Variants in CARHSP1 observed in about 807,000 individuals in gnomAD.
The protein encoded by CARHSP1 is calcium regulated heat stable protein 1.
Under a neutral mutation model 12.5 loss-of-function variants are expected in CARHSP1, and 14 were observed. The ratio of observed to expected loss-of-function variants is 1.12; its 90% CI spans 0.74 to 1.75. The LOEUF is 1.75. CARHSP1 is among the 40% of genes most tolerant of loss of function. The pLI, the probability that CARHSP1 is intolerant of heterozygous loss-of-function variation, is 0.00. For missense variants in CARHSP1, 343 were observed against 201.6 expected (o/e 1.70, Z -4.25); for synonymous variants, 161 against 82.0 (o/e 1.96, Z -5.20).
chr16:8,859,620 T>C (rs991558635), intron 1 of CARHSP1, among the ~76,000 whole-genome samples: 2 of 152,114 alleles, frequency 1.3e-5, no homozygotes, highest in Non-Finnish European at 2.9e-5. Context: ...GCACAAGGCA[T>C]GGATCCCGGC....
At chr16:8,861,765 A>G (rs2061362777) in intron 1 of CARHSP1, 1 of 1,280,868 alleles carries the variant, frequency 7.8e-7, no homozygotes, top group African/African-American at 1.5e-5. Flanking sequence ...CCTGGGGGCC[A>G]GGGCCCCCGC....
At chr16:8,861,849 G>T (rs2061365063) in intron 1 of CARHSP1, 1 of 1,191,078 alleles carries the variant, frequency 8.4e-7, no homozygotes, top group South Asian at 1.5e-5. Context: ...GCTGGCCCTG[G>T]GAGGGGAGGG....
At chr16:8,863,553 C>T (rs954766335) in intron 1 of CARHSP1, among the ~76,000 whole-genome samples, 2 of 152,298 alleles carry the variant, frequency 1.3e-5, no homozygotes, top group African/African-American at 4.8e-5. Flanking sequence ...AACTGAGGCA[C>T]GGAGCAGACG....
chr16:8,855,451 C>T (rs2061068910), intron 3 of CARHSP1, 125 bp from the exon 4 acceptor site: 4 of 808,338 alleles, frequency 4.9e-6, no homozygotes, highest in Admixed American at 3.8e-5. Flanking sequence ...CCACCGGGAA[C>T]CTCTTTCCAA....
In CARHSP1 at chr16:8,854,825, A is replaced by C. The variant is rs1027312231; in HGVS notation, c.*339T>G. 4 of 189,344 alleles carry C rather than the reference A, an allele frequency of 2.1e-5. No homozygotes were observed. Among genetic ancestry groups the C allele is most frequent in the African/African-American group, 9.3e-5 (4 of 42,990 alleles). 11.7% of individuals were successfully genotyped at this position (189,344 alleles called of 1,614,324 possible). On this transcript the variant is annotated 3_prime_UTR_variant, in exon 4 of 4. Transcript: ENST00000311052. The stretch of plus-strand genomic sequence containing the variant: ...AAGAGGGATTCTGTGGGTTGAGCCC[A>C]TGTGTCTGAGCAGCTGGAGAAATAC...
chr16:8,863,557 G>A (rs1228179584), intron 1 of CARHSP1, among the ~76,000 whole-genome samples: 2 of 152,224 alleles, frequency 1.3e-5, no homozygotes, highest in Non-Finnish European at 2.9e-5. Context: ...GAGGCACGGA[G>A]CAGACGTGAC....
rs1483616726 is a variant in CARHSP1, at chr16:8,855,290, C to A, written c.318G>T (p.Glu106Asp). Residue 106 changes from glutamate to aspartate, a missense_variant, in exon 4 of 4, where the codon GAG (glutamate) becomes GAT (aspartate). By Grantham distance (45) the Glu-to-Asp change is conservative. Transcript: ENST00000311052. Reference sequence around the variant, plus strand: ...GGATGGAGCACATTTTATAGGTGACCTCGTCGCCTTCCACTGGGACATACT... The same window carrying A: ...GGATGGAGCACATTTTATAGGTGACATCGTCGCCTTCCACTGGGACATACT... ...EGEYVPVEGD[E>D]VTYKMCSIPP... 9 of 1,609,896 alleles carry A rather than the reference C, an allele frequency of 5.6e-6. No homozygotes were observed. The highest frequency in any genetic ancestry group is 7.6e-6 in the Non-Finnish European group (9 of 1,177,528).
intron 1 of CARHSP1, chr16:8,867,975 G>T (rs1196183947): frequency 6.6e-6 from 1 of 152,314 alleles, no homozygotes; most frequent in Non-Finnish European, 1.5e-5. Context: ...GGCAGCAAAT[G>T]ACAGGGGCAA....
intron 1 of CARHSP1, among the ~76,000 whole-genome samples, chr16:8,859,590 C>T (rs1335682374): frequency 1.3e-5 from 2 of 151,996 alleles, no homozygotes; most frequent in East Asian, 1.9e-4. Flanking sequence ...AGGATGGCAT[C>T]GGTCCCCTCT....
chr16:8,866,883 G>GC lies in CARHSP1; in HGVS notation c.-8+2082dup, dbSNP rs536349523. ...AGCCCGGCGCCTACGTCTGCCCAGA[G>GC]CCCCCTCCCAGGCCCCGCCAAGCTG... On this transcript the variant is annotated intron_variant, in intron 1 of 3. Coordinates refer to ENST00000311052, the MANE Select transcript of CARHSP1 (RefSeq NM_014316.4). 1.3e-3 allele frequency among the ~76,000 whole-genome samples: 194 copies of GC among 152,246 alleles called. 4 individuals carry two copies. Among genetic ancestry groups the GC allele is most frequent in the Admixed American group, 0.012 (180 of 15,302 alleles).
At chr16:8,861,980 CAT>C (rs2061368737) in intron 1 of CARHSP1, among the ~76,000 whole-genome samples, 1 of 110,060 alleles carries the variant, frequency 9.1e-6, no homozygotes, top group African/African-American at 3.0e-5. Context: ...TGGAGTCAAG[CAT>C]AGCTGACTTT....
In CARHSP1 at chr16:8,860,369, G is replaced by A. The variant is rs886460789; in HGVS notation, c.-7-1034C>T. On this transcript the variant is annotated intron_variant, in intron 1 of 3. Coordinates refer to ENST00000311052, the MANE Select transcript of CARHSP1 (RefSeq NM_014316.4). ...GTATGTACCGGTAAATCCAGCTGGA[G>A]GGCGGGAATTCCCTAGCTGCTGCTG... 11 of 985,498 alleles carry A rather than the reference G, an allele frequency of 1.1e-5. No individual in the cohort carries two copies. In the Admixed American group the frequency reaches 3.1e-4, roughly 28 times the overall value. 61.0% of individuals were successfully genotyped at this position (985,498 alleles called of 1,614,324 possible).
At chr16:8,858,125 C>G (rs886521227) in intron 3 of CARHSP1, 22 of 575,906 alleles carry the variant, frequency 3.8e-5, no homozygotes, top group African/African-American at 3.2e-4. Flanking sequence ...AGTACCGTGT[C>G]GCCCCCAGCC....
rs1596515115 is a variant in CARHSP1, at chr16:8,853,192, C to T, written c.*1972G>A. On this transcript the variant is annotated 3_prime_UTR_variant, in exon 4 of 4. Transcript: ENST00000311052. ...GGAAGGACAGAGTAAGAGCCGCTGA[C>T]AAAGGATTCTGCCAAGACAGAATCC... 1 of 152,190 alleles carries T rather than the reference C, an allele frequency of 6.6e-6. No homozygotes were observed. The allele number at this position is 152,190 out of a possible 1,614,324, so 9.4% of individuals were successfully genotyped here.
intron 1 of CARHSP1, 129 bp from the exon 2 acceptor site, chr16:8,859,464 A>G (rs1192243316): frequency 2.4e-6 from 2 of 834,818 alleles, no homozygotes; most frequent in Non-Finnish European, 3.6e-6. Context: ...CACCATTGTC[A>G]CCTTGTCTGG....
chr16:8,860,234 G>A (rs893649000), intron 1 of CARHSP1: 12 of 984,670 alleles, frequency 1.2e-5, no homozygotes, highest in Non-Finnish European at 6.0e-6. Context: ...AGAGCCCAAA[G>A]GGAAAGGGAG....
At chr16:8,860,341 C>G in intron 1 of CARHSP1, 1 of 985,416 alleles carries the variant, frequency 1.0e-6, no homozygotes, top group Non-Finnish European at 1.2e-6. Flanking sequence ...TCTGTGACCC[C>G]TAGTATGTAC....
chr16:8,860,477 C>G, intron 1 of CARHSP1: 2 of 985,404 alleles, frequency 2.0e-6, no homozygotes, highest in Non-Finnish European at 1.2e-6. Flanking sequence ...TCGGCTCTAA[C>G]GTGGCCTCAG....
In CARHSP1 at chr16:8,859,309, G is replaced by T. The variant is rs146807732; in HGVS notation, c.20C>A (p.Pro7Gln). Residue 7 changes from proline (P) to glutamine (Q), a missense_variant, in exon 2 of 4, where the codon CCA (proline) becomes CAA (glutamine). Pro to Gln is a moderately conservative substitution (Grantham distance 76). Transcript: ENST00000311052. Reference protein sequence around the residue: MSSEPPPPPQPPTHQAS... With the variant: MSSEPPQPPQPPTHQAS... ...TTGATGGGTGGGGGGCTGTGGTGGT[G>T]GGGGAGGCTCAGATGACATGGCTGA... 2.5e-6 allele frequency: 4 copies of T among 1,602,150 alleles called. No homozygotes were observed. The South Asian group carries it at 4.4e-5, about 18-fold the overall frequency.
Sources: allele counts gnomAD v4.1 joint callset (sites outside exome capture counted in the v4.1 genomes callset), GRCh38; gene constraint gnomAD v4.1.1; transcripts MANE v1.5; gene names NCBI Gene and HGNC (gene_info 2026-07-23, HGNC 2026-07-21).